The following FAM107A variants were observed in gnomAD, a reference collection of about 807,000 sequenced individuals.
FAM107A encodes family with sequence similarity 107 member A, also known as actin-associated protein FAM107A.
In FAM107A, 19 loss-of-function variants were observed where a neutral mutation model predicts 13.7. That is an observed-to-expected ratio of 1.38 (90% confidence interval 0.97 to 2.03). The LOEUF (loss-of-function observed/expected upper bound fraction) is 2.03, where lower values mean the gene tolerates loss of function less well. Among genes scored for constraint, FAM107A ranks in the 30% most tolerant of loss-of-function variants. The probability of loss-of-function intolerance (pLI) is 0.00; values close to 1 mark genes in which losing one functional copy is unlikely to be tolerated. For synonymous variants in FAM107A, 82 were observed against 74.5 expected (o/e 1.10, Z -0.52); for missense variants, 203 against 184.4 (o/e 1.10, Z -0.58).
At chr3:58,599,648 T>C (rs2065735560) in intron 1 of FAM107A, among the ~76,000 whole-genome samples, 1 of 151,090 alleles carries the variant, frequency 6.6e-6, no homozygotes, top group South Asian at 2.1e-4. Flanking sequence ...CACAGGTATT[T>C]TCAGTTTCTA....
At chr3:58,588,515 T>A (rs2065628708), upstream of FAM107A, among the ~76,000 whole-genome samples, 1 of 152,204 alleles carries the variant, frequency 6.6e-6, no homozygotes, top group Non-Finnish European at 1.5e-5. Context: ...TGACACTTGA[T>A]CTTTGGAGGC....
chr3:58,624,298 G>A (rs912771601), intron 1 of FAM107A, among the ~76,000 whole-genome samples: 22 of 152,304 alleles, frequency 1.4e-4, no homozygotes, highest in African/African-American at 5.3e-4. Context: ...CCCTGATAGA[G>A]GCCAGGGTAC....
chr3:58,567,056 G>T, intron 3 of FAM107A, 152 bp downstream of exon 3: 1 of 939,642 alleles, frequency 1.1e-6, no homozygotes, highest in Non-Finnish European at 1.7e-6. Flanking sequence ...AAAGTGAATG[G>T]CAGAGGGAGG....
intron 1 of FAM107A, among the ~76,000 whole-genome samples, chr3:58,583,434 C>G (rs543656573): frequency 6.6e-6 from 1 of 152,076 alleles, no homozygotes; most frequent in Admixed American, 6.5e-5. Context: ...ACCAGCCTGA[C>G]CAACATGGTG....
rs1013235648 is a variant in FAM107A at position 58,613,090 on chromosome 3, C to T, written c.-70+14326G>A. ...GTGATGATGGTCGGCAGCTCCATAT[C>T]GCCAGCCGTGACTCTGCCCTGAAAT... On this transcript the variant is annotated intron_variant, in intron 1 of 3. Coordinates refer to the FAM107A transcript ENST00000465970. The surrounding 1 kb of genome is among the most constrained non-coding windows in gnomAD (Gnocchi z 4.6). 1.3e-5 allele frequency among the ~76,000 whole-genome samples: 2 copies of T among 152,174 alleles called. No homozygotes were observed. The highest frequency in any genetic ancestry group is 6.5e-5 in the Admixed American group (1 of 15,276).
At chr3:58,585,993 C>G (rs147017139) in intron 1 of FAM107A, among the ~76,000 whole-genome samples, 104 of 152,326 alleles carry the variant, frequency 6.8e-4, no homozygotes, top group African/African-American at 2.4e-3. Context: ...CAACCCCCAA[C>G]CTTAAGAAAT....
intron 1 of FAM107A, among the ~76,000 whole-genome samples, chr3:58,609,567 A>T (rs1199920048): frequency 2.0e-5 from 3 of 152,262 alleles, no homozygotes; most frequent in African/African-American, 7.2e-5. Flanking sequence ...AACAAATATT[A>T]GTCAGTCAAC....
At chr3:58,596,337 G>A (rs777518835) in intron 1 of FAM107A, among the ~76,000 whole-genome samples, 1 of 152,158 alleles carries the variant, frequency 6.6e-6, no homozygotes, top group Admixed American at 6.5e-5. Context: ...CCCATGCACC[G>A]AGGAGCATTT....
Position 58,604,336 on chromosome 3 carries a change from C to T in FAM107A, c.-69-15067G>A, listed in dbSNP as rs112954346. 1.4e-3 allele frequency among the ~76,000 whole-genome samples: 208 copies of T among 152,210 alleles called. 3 individuals are homozygous for T. The highest frequency in any genetic ancestry group is 4.6e-3 in the African/African-American group (192 of 41,512). On this transcript the variant is annotated intron_variant, in intron 1 of 3. Transcript: ENST00000465970. This position sits in a 1 kb window ranked among gnomAD's most constrained non-coding sequence, Gnocchi z 4.1. ...ACGCAGATCCAATTCCTTCTCCAAC[C>T]GGTTCTTCCAGGCCTCAGCTCAGAG...
intron 1 of FAM107A, among the ~76,000 whole-genome samples, chr3:58,626,041 C>G (rs2066012117): frequency 6.6e-6 from 1 of 152,152 alleles, no homozygotes; most frequent in African/African-American, 2.4e-5. Context: ...AAACAAGAAC[C>G]TGAGGTCCAG....
exon 1 of FAM107A, chr3:58,587,092 C>T (rs1004674951): frequency 1.9e-5 from 26 of 1,366,410 alleles, no homozygotes; most frequent in Non-Finnish European, 2.2e-5. Context: ...GAGGGGCGGG[C>T]GAGGAGACGC....
chr3:58,569,826 A>G lies in FAM107A; in HGVS notation c.35T>C (p.Ile12Thr), dbSNP rs375660727. The G allele has an allele frequency of 7.2e-5, 116 of 1,613,952 alleles. No homozygotes were observed. Among genetic ancestry groups the G allele is most frequent in the African/African-American group, 1.9e-4 (14 of 74,900 alleles). The stretch of plus-strand genomic sequence containing the variant: ...TTCTGGCCGGGCCATCAGGCCCCCA[A>G]TGTCTGCCCGCTCCCTCTGGATCTC... Reference protein sequence around the residue: ...YSEIQRERADIGGLMARPEYR... With the variant: ...YSEIQRERADTGGLMARPEYR... The change falls in exon 2 of 4, where the codon ATT becomes ACT. Residue 12 changes from isoleucine (I) to threonine (T), a missense_variant. Coordinates refer to ENST00000360997, the MANE Select transcript of FAM107A (RefSeq NM_001076778.3). This position sits in a 1 kb window ranked among gnomAD's most constrained non-coding sequence, Gnocchi z 5.7.
At chr3:58,598,941 T>G (rs2065729370) in intron 1 of FAM107A, among the ~76,000 whole-genome samples, 1 of 152,118 alleles carries the variant, frequency 6.6e-6, no homozygotes, top group African/African-American at 2.4e-5. Context: ...CAATTTTTCT[T>G]TTCTTTTTCT....
chr3:58,574,513 A>G (rs1353452440), intron 1 of FAM107A, among the ~76,000 whole-genome samples: 1 of 152,200 alleles, frequency 6.6e-6, no homozygotes, highest in East Asian at 1.9e-4. Context: ...TTAAGGTCAC[A>G]GTTCTTAGCA....
chr3:58,565,069 G>A lies in FAM107A; in HGVS notation c.*1519C>T, dbSNP rs1384830665. 1 of 152,274 alleles carries A rather than the reference G, an allele frequency of 6.6e-6. No individual in the cohort carries two copies. Among genetic ancestry groups the A allele is most frequent in the Non-Finnish European group, 1.5e-5 (1 of 68,050 alleles). 9.4% of individuals were successfully genotyped at this position (152,274 alleles called of 1,614,324 possible). A position where few individuals can be genotyped will look rare whatever the true frequency, so the allele number is the denominator to read the frequency against. On this transcript the variant is annotated 3_prime_UTR_variant, in exon 4 of 4. Coordinates refer to ENST00000360997, the MANE Select transcript of FAM107A (RefSeq NM_001076778.3). ...CAGTTTTGGGAAAGTGAAAGGAGAT[G>A]CTATTCCAGCACTGCTCTGTCACCT...
chr3:58,578,137 G>A (rs1462911916), upstream of FAM107A, among the ~76,000 whole-genome samples: 1 of 152,196 alleles, frequency 6.6e-6, no homozygotes, highest in Non-Finnish European at 1.5e-5. Context: ...CATAGTCAAA[G>A]CTCAGCATAT....
At chr3:58,624,231 G>T (rs2065987251) in intron 1 of FAM107A, among the ~76,000 whole-genome samples, 3 of 152,204 alleles carry the variant, frequency 2.0e-5, no homozygotes, top group African/African-American at 7.2e-5. Context: ...TTTCTGGAAT[G>T]TTCCAAACAG....
In FAM107A at chr3:58,569,495, C is replaced by A. The variant is rs991797966; in HGVS notation, c.170+196G>T. Among the ~76,000 whole-genome samples, 1 of 152,134 alleles carries A rather than the reference C, an allele frequency of 6.6e-6. No individual in the cohort carries two copies. The highest frequency in any genetic ancestry group is 1.5e-5 in the Non-Finnish European group (1 of 68,014). The stretch of plus-strand genomic sequence containing the variant: ...GGGCAAGAGAACAGGGCTTTTTGGT[C>A]CCTCTGGTTCCCAGGGACCCACTGG... On this transcript the variant is annotated intron_variant, in intron 2 of 3. Transcript: ENST00000360997. The surrounding 1 kb of genome is among the most constrained non-coding windows in gnomAD (Gnocchi z 5.7).
chr3:58,624,793 G>A (rs1053676775), intron 1 of FAM107A, among the ~76,000 whole-genome samples: 2 of 152,190 alleles, frequency 1.3e-5, no homozygotes, highest in Non-Finnish European at 2.9e-5. Flanking sequence ...CTGGCCCAGG[G>A]GTCATGTGCC....
Sources: gnomAD v4.1 joint callset for allele counts (sites outside exome capture counted in the v4.1 genomes callset) on GRCh38, gnomAD v4.1.1 for gene constraint, Gnocchi (gnomAD v3.1) non-coding constraint, MANE v1.5 for transcripts, NCBI Gene and HGNC (gene_info 2026-07-23, HGNC 2026-07-21) for gene names.